The following ERG variants were observed in gnomAD, a reference collection of about 807,000 sequenced individuals.
ERG encodes the protein ETS transcription factor ERG, also known as transcriptional regulator ERG.
A neutral mutation model predicts 55.3 loss-of-function variants in ERG; 9 were observed. The observed-to-expected ratio is 0.16, with a 90% CI of 0.10 to 0.28. The LOEUF (loss-of-function observed/expected upper bound fraction) is 0.28. Among genes scored for constraint, ERG ranks in the 10% least tolerant of loss-of-function variants. The pLI, the probability that ERG is intolerant of heterozygous loss-of-function variation, is 1.00. For missense variants in ERG, 434 were observed against 631.6 expected (o/e 0.69, Z 3.35); for synonymous variants, 223 against 237.3 (o/e 0.94, Z 0.55).
chr21:38,493,100 AT>A lies in ERG; in HGVS notation c.18+5262del, dbSNP rs141113762. On this transcript the variant is annotated intron_variant, in intron 1 of 9. Coordinates refer to ENST00000288319, the MANE Select transcript of ERG (RefSeq NM_182918.4). ...ATTTTTTAAATTGGCAAATATTTAAATTTGGCAAAGACTTAAAAAATATATA... is the reference window on the plus strand; with the variant it reads ...ATTTTTTAAATTGGCAAATATTTAAATTGGCAAAGACTTAAAAAATATATA... Among the ~76,000 whole-genome samples the A allele has an allele frequency of 4.8e-3, 726 of 152,318 alleles. 11 individuals carry two copies. Among genetic ancestry groups the A allele is most frequent in the African/African-American group, 0.016 (684 of 41,568 alleles).
intron 1 of ERG, among the ~76,000 whole-genome samples, chr21:38,632,425 T>C (rs1327708200): frequency 6.6e-6 from 1 of 152,148 alleles, no homozygotes; most frequent in Non-Finnish European, 1.5e-5. Context: ...TGTTGATGGG[T>C]GATAGGGTTT....
intron 2 of ERG, among the ~76,000 whole-genome samples, chr21:38,574,296 T>A (rs2146862167): frequency 6.6e-6 from 1 of 152,342 alleles, no homozygotes; most frequent in African/African-American, 2.4e-5. Flanking sequence ...AGAAACCTTA[T>A]CACATCCACA....
At chr21:38,521,789 C>CT (rs1274524722) in intron 2 of ERG, among the ~76,000 whole-genome samples, 3 of 152,218 alleles carry the variant, frequency 2.0e-5, no homozygotes, top group Non-Finnish European at 4.4e-5. Flanking sequence ...ACTGAATGGA[C>CT]TTAACTTAGC....
chr21:38,571,510 T>C (rs1403785134), intron 2 of ERG, among the ~76,000 whole-genome samples: 1 of 150,586 alleles, frequency 6.6e-6, no homozygotes, highest in Non-Finnish European at 1.5e-5. Context: ...GACTATGTCT[T>C]AAAAAAAATA....
chr21:38,513,189 T>C (rs2059527354), intron 2 of ERG, among the ~76,000 whole-genome samples: 1 of 152,108 alleles, frequency 6.6e-6, no homozygotes, highest in East Asian at 1.9e-4. Context: ...ATAAATATAT[T>C]AATATAGCTA....
At chr21:38,590,568 T>TCATCCATC (rs141969690) in intron 1 of ERG, among the ~76,000 whole-genome samples, 66,349 of 150,308 alleles carry the variant, frequency 0.44, 14,889 homozygotes, top group South Asian at 0.56. Flanking sequence ...ATACAATTGT[T>TCATCCATC]CATCCATCCA....
chr21:38,436,027 T>TC (rs1440079727), intron 2 of ERG, among the ~76,000 whole-genome samples: 4 of 150,462 alleles, frequency 2.7e-5, no homozygotes, highest in East Asian at 1.9e-4. Flanking sequence ...TTTCTTTTTT[T>TC]TTTTTTTTTG....
At chr21:38,582,570 T>C (rs559550046) in intron 1 of ERG, among the ~76,000 whole-genome samples, 1 of 152,372 alleles carries the variant, frequency 6.6e-6, no homozygotes, top group South Asian at 2.1e-4. Context: ...TGAACCATTG[T>C]TTGATTATCT....
At chr21:38,428,647 T>C (rs555543788) in intron 2 of ERG, among the ~76,000 whole-genome samples, 7 of 152,320 alleles carry the variant, frequency 4.6e-5, no homozygotes, top group African/African-American at 1.7e-4. Flanking sequence ...AAATGAAGAC[T>C]AGTTACCTTT....
chr21:38,532,962 C>T (rs1270684807), intron 2 of ERG, among the ~76,000 whole-genome samples: 2 of 152,158 alleles, frequency 1.3e-5, no homozygotes, highest in Non-Finnish European at 2.9e-5. Flanking sequence ...TGTAATAAGC[C>T]ATCTGAGGGC....
In ERG at chr21:38,637,816, C is replaced by CGTGT. The variant is rs141642791; in HGVS notation, c.-150+23838_-150+23841dup. The stretch of plus-strand genomic sequence containing the variant: ...TGTCTCTTCACAAGTTCTTTTTCTG[C>CGTGT]GTGTGTGTGTGTGTGTGTGTACACA... On this transcript the variant is annotated intron_variant, in intron 1 of 10. Coordinates refer to the ERG transcript ENST00000398910. Among the ~76,000 whole-genome samples the CGTGT allele has an allele frequency of 3.8e-3, 573 of 149,030 alleles. 3 individuals carry two copies. Among genetic ancestry groups the CGTGT allele is most frequent in the African/African-American group, 0.013 (527 of 40,910 alleles).
intron 1 of ERG, among the ~76,000 whole-genome samples, chr21:38,483,094 T>C (rs1198328780): frequency 1.3e-5 from 2 of 152,210 alleles, no homozygotes; most frequent in East Asian, 3.8e-4. Flanking sequence ...ATCTCACTTA[T>C]ATGTAAAATC....
intron 1 of ERG, among the ~76,000 whole-genome samples, chr21:38,611,028 C>G (rs1172988679): frequency 3.9e-5 from 6 of 152,196 alleles, no homozygotes; most frequent in Non-Finnish European, 2.9e-5. Context: ...GCAGGACTGG[C>G]AGAAGGTGGA....
chr21:38,391,836 A>G (rs1987985748), intron 7 of ERG, 121 bp from the exon 8 acceptor site: 10 of 766,018 alleles, frequency 1.3e-5, no homozygotes, highest in Non-Finnish European at 2.1e-5. Context: ...CTAACTCAGA[A>G]GCATCTCACG....
intron 1 of ERG, among the ~76,000 whole-genome samples, chr21:38,458,764 ATACTTACTTACT>A (rs1173591904): frequency 6.6e-6 from 1 of 152,122 alleles, no homozygotes; most frequent in Non-Finnish European, 1.5e-5. Context: ...AAAATTGGCC[ATACTTACTTACT>A]TAAATATTTC....
chr21:38,386,593 G>C (rs945511667), intron 9 of ERG, among the ~76,000 whole-genome samples: 1 of 152,140 alleles, frequency 6.6e-6, no homozygotes, highest in South Asian at 2.1e-4. Context: ...GTGTGACGAG[G>C]TGCATTTTAG....
intron 1 of ERG, among the ~76,000 whole-genome samples, chr21:38,616,453 GA>G: frequency 6.6e-6 from 1 of 152,116 alleles, no homozygotes; most frequent in East Asian, 1.9e-4. Context: ...CTGAGACTCA[GA>G]AAAAAATGTT....
At chr21:38,536,542 G>A (rs1400394882) in intron 2 of ERG, among the ~76,000 whole-genome samples, 1 of 152,128 alleles carries the variant, frequency 6.6e-6, no homozygotes, top group Non-Finnish European at 1.5e-5. Flanking sequence ...GCAACTGTTT[G>A]CACAGCTGTA....
intron 1 of ERG, among the ~76,000 whole-genome samples, chr21:38,452,765 T>C (rs958955516): frequency 1.3e-5 from 2 of 152,206 alleles, no homozygotes; most frequent in Admixed American, 6.5e-5. Flanking sequence ...CAGCCAATTT[T>C]CCCGGCTCTG....
Sources: gnomAD v4.1 joint callset for allele counts (sites outside exome capture counted in the v4.1 genomes callset) on GRCh38, gnomAD v4.1.1 for gene constraint, MANE v1.5 for transcripts, NCBI Gene and HGNC (gene_info 2026-07-23, HGNC 2026-07-21) for gene names.